The following STAG1 variants were observed in gnomAD, a reference collection of about 807,000 sequenced individuals.
The protein encoded by STAG1 is STAG1 cohesin complex component, also known as cohesin subunit SA-1.
In STAG1, 26 loss-of-function variants were observed where a neutral mutation model predicts 170.9. The observed-to-expected ratio is 0.15, with a 90% CI of 0.11 to 0.21. STAG1 has a LOEUF of 0.21. Among genes scored for constraint, STAG1 ranks in the 10% least tolerant of loss-of-function variants. The pLI is 1.00. For missense variants in STAG1, 964 were observed against 1,509.5 expected (o/e 0.64, Z 5.99); for synonymous variants, 514 against 497.7 (o/e 1.03, Z -0.44).
intron 32 of STAG1, among the ~76,000 whole-genome samples, chr3:136,339,169 T>C (rs1935835611): frequency 6.6e-6 from 1 of 152,138 alleles, no homozygotes; most frequent in South Asian, 2.1e-4. Flanking sequence ...AAGGCAGCCA[T>C]CTACAAGCCA....
chr3:136,744,221 G>T (rs1934819466), intron 1 of STAG1, among the ~76,000 whole-genome samples: 1 of 152,156 alleles, frequency 6.6e-6, no homozygotes, highest in African/African-American at 2.4e-5. Context: ...CAGCTACTCG[G>T]GTGGCTGAGG....
chr3:136,364,501 GGGGGGTGGGCCTAAATA>G (rs1358970833), intron 25 of STAG1, among the ~76,000 whole-genome samples: 1 of 152,012 alleles, frequency 6.6e-6, no homozygotes, highest in Admixed American at 6.6e-5. Context: ...GCTTACTTCT[GGGGGGTGGGCCTAAATA>G]GGGGGAAGGG....
chr3:136,677,394 A>C (rs1206163409), intron 1 of STAG1, among the ~76,000 whole-genome samples: 1 of 152,182 alleles, frequency 6.6e-6, no homozygotes, highest in African/African-American at 2.4e-5. Context: ...TGTCACACGC[A>C]AGGTCACTGT....
chr3:136,731,073 A>G (rs757129092), intron 1 of STAG1, among the ~76,000 whole-genome samples: 12 of 152,158 alleles, frequency 7.9e-5, no homozygotes, highest in Non-Finnish European at 1.3e-4. Context: ...GTCCCTTTGC[A>G]TATATACACT....
intron 16 of STAG1, among the ~76,000 whole-genome samples, chr3:136,425,053 T>C (rs1304008616): frequency 6.6e-6 from 1 of 152,258 alleles, no homozygotes; most frequent in East Asian, 1.9e-4. Flanking sequence ...TTGGCCAGGA[T>C]GATCTCGATC....
chr3:136,421,070 T>G, intron 20 of STAG1, 23 bp downstream of exon 20: 2 of 1,533,742 alleles, frequency 1.3e-6, no homozygotes, highest in Non-Finnish European at 1.8e-6. Context: ...CTCGTTGCCT[T>G]TACTTTAAAT....
intron 25 of STAG1, among the ~76,000 whole-genome samples, chr3:136,365,174 T>A (rs2108289373): frequency 6.6e-6 from 1 of 152,266 alleles, no homozygotes; most frequent in East Asian, 1.9e-4. Context: ...AATGAAGTAT[T>A]GTTAAAGGAT....
chr3:136,476,156 GCTGAAAGACTAC>G (rs1323589395), intron 10 of STAG1, among the ~76,000 whole-genome samples: 2 of 152,136 alleles, frequency 1.3e-5, no homozygotes, highest in Non-Finnish European at 1.5e-5. Context: ...TCCATCCTTT[GCTGAAAGACTAC>G]CTGGAAGCCT....
chr3:136,341,672 T>G, intron 30 of STAG1, 121 bp from the exon 31 acceptor site: 1 of 633,670 alleles, frequency 1.6e-6, no homozygotes, highest in South Asian at 1.9e-5. Context: ...TAGCTGGATT[T>G]ATTCTGGTGC....
At chr3:136,443,172 C>G (rs1197992115) in intron 15 of STAG1, 115 bp downstream of exon 15, 9 of 601,992 alleles carry the variant, frequency 1.5e-5, no homozygotes, top group Non-Finnish European at 2.5e-5. Context: ...GTTCTCTTGG[C>G]AAAAAGACAC....
intron 4 of STAG1, among the ~76,000 whole-genome samples, chr3:136,587,691 A>G (rs368385437): frequency 7.9e-5 from 12 of 152,324 alleles, no homozygotes; most frequent in Admixed American, 2.0e-4. Flanking sequence ...ATGGTGGCTC[A>G]TGTCTGTAAC....
chr3:136,395,851 C>T (rs552740370), intron 22 of STAG1, among the ~76,000 whole-genome samples: 1 of 152,112 alleles, frequency 6.6e-6, no homozygotes, highest in Non-Finnish European at 1.5e-5. Flanking sequence ...TCATTAAACC[C>T]TTCCTATCAA....
chr3:136,597,170 T>C (rs954962010), intron 4 of STAG1, among the ~76,000 whole-genome samples: 4 of 152,158 alleles, frequency 2.6e-5, no homozygotes, highest in Non-Finnish European at 5.9e-5. Flanking sequence ...TTTGTTAGTA[T>C]AAACAAAGCA....
intron 9 of STAG1, among the ~76,000 whole-genome samples, chr3:136,486,629 T>G (rs144516624): frequency 2.8e-4 from 43 of 152,298 alleles, no homozygotes; most frequent in African/African-American, 9.9e-4. Context: ...GGAAGCAGGC[T>G]GAGGACAAAG....
At chr3:136,435,219 A>T (rs2107749554) in intron 15 of STAG1, among the ~76,000 whole-genome samples, 1 of 152,302 alleles carries the variant, frequency 6.6e-6, no homozygotes, top group South Asian at 2.1e-4. Flanking sequence ...TTTATTAAGA[A>T]TTTTCTATAT....
At chr3:136,411,131 AT>A (rs1269448814) in intron 21 of STAG1, among the ~76,000 whole-genome samples, 1 of 152,202 alleles carries the variant, frequency 6.6e-6, no homozygotes, top group African/African-American at 2.4e-5. Flanking sequence ...GTGATACATG[AT>A]TATACTTCAT....
chr3:136,361,143 G>C (rs1936848969), intron 26 of STAG1, among the ~76,000 whole-genome samples: 1 of 152,102 alleles, frequency 6.6e-6, no homozygotes, highest in Non-Finnish European at 1.5e-5. Flanking sequence ...AAGGTAACCA[G>C]TGTTTAAAGT....
At chr3:136,587,373 C>T (rs1459661371) in intron 4 of STAG1, among the ~76,000 whole-genome samples, 5 of 151,806 alleles carry the variant, frequency 3.3e-5, no homozygotes, top group Non-Finnish European at 5.9e-5. Flanking sequence ...AACCCTGTCT[C>T]AACTAGAAAT....
chr3:136,631,288 A>G (rs1940319815), intron 1 of STAG1, among the ~76,000 whole-genome samples: 1 of 152,266 alleles, frequency 6.6e-6, no homozygotes, highest in Admixed American at 6.5e-5. Flanking sequence ...AATATTATTA[A>G]GTAAAGAAGC....
Sources: gnomAD v4.1 joint callset for allele counts (sites outside exome capture counted in the v4.1 genomes callset) on GRCh38, gnomAD v4.1.1 for gene constraint, MANE v1.5 for transcripts, NCBI Gene and HGNC (gene_info 2026-07-23, HGNC 2026-07-21) for gene names.